The following ROBO1 variants were observed in gnomAD, a reference collection of about 807,000 sequenced individuals.
The protein encoded by ROBO1 is roundabout guidance receptor 1.
A neutral mutation model predicts 195.9 loss-of-function variants in ROBO1; 149 were observed. The observed-to-expected ratio is 0.76, with a 90% CI of 0.67 to 0.87. The LOEUF (loss-of-function observed/expected upper bound fraction) is 0.87, where lower values mean the gene tolerates loss of function less well. Among genes scored for constraint, ROBO1 ranks in the 40% least tolerant of loss-of-function variants. ROBO1 has a pLI of 0.00. For synonymous variants in ROBO1, 816 were observed against 733.2 expected, an observed-to-expected ratio of 1.11 and a Z score of -1.82; for missense variants, 1,933 against 2,068.3, an observed-to-expected ratio of 0.93 and a Z score of 1.27.
At chr3:79,580,607 G>T (rs1309808693) in intron 2 of ROBO1, among the ~76,000 whole-genome samples, 2 of 152,042 alleles carry the variant, frequency 1.3e-5, no homozygotes, top group Admixed American at 1.3e-4. Context: ...ATATTAACTA[G>T]ATGTATATAA....
chr3:78,938,980 G>T, intron 3 of ROBO1, 53 bp from the exon 4 acceptor site: 1 of 1,454,910 alleles, frequency 6.9e-7, no homozygotes, highest in Non-Finnish European at 9.4e-7. Context: ...ACAGTTAATC[G>T]CTTATTTTTA....
chr3:79,456,341 T>C (rs1300577150), intron 2 of ROBO1, among the ~76,000 whole-genome samples: 1 of 152,060 alleles, frequency 6.6e-6, no homozygotes, highest in Non-Finnish European at 1.5e-5. Flanking sequence ...CTAACTCATA[T>C]CAGTGAAAAC....
At chr3:79,674,827 CGTGTGT>C (rs151094387) in intron 1 of ROBO1, among the ~76,000 whole-genome samples, 992 of 61,918 alleles carry the variant, frequency 0.016, 10 homozygotes, top group African/African-American at 0.072. Context: ...TATTTATATC[CGTGTGT>C]GTGTGTGTGT....
intron 2 of ROBO1, among the ~76,000 whole-genome samples, chr3:79,206,433 A>G (rs2108791237): frequency 6.6e-6 from 1 of 152,278 alleles, no homozygotes; most frequent in East Asian, 1.9e-4. Context: ...AAAGAGAAAA[A>G]ATATTGTATG....
intron 1 of ROBO1, among the ~76,000 whole-genome samples, chr3:79,702,205 C>T (rs1046745886): frequency 5.3e-5 from 8 of 151,844 alleles, no homozygotes; most frequent in East Asian, 1.9e-4. Flanking sequence ...GAAGCAAAAT[C>T]TACAGCTGAA....
At chr3:79,154,580 A>G (rs530860605) in intron 2 of ROBO1, among the ~76,000 whole-genome samples, 2 of 151,920 alleles carry the variant, frequency 1.3e-5, no homozygotes, top group South Asian at 4.1e-4. Flanking sequence ...ATGAATTCTT[A>G]AAATACTGTC....
intron 1 of ROBO1, among the ~76,000 whole-genome samples, chr3:79,621,654 C>G (rs904532243): frequency 6.6e-6 from 1 of 152,132 alleles, no homozygotes; most frequent in East Asian, 1.9e-4. Flanking sequence ...AAATTTTGTG[C>G]CCTGCTAAAC....
chr3:78,673,366 G>C (rs953104138), intron 10 of ROBO1, among the ~76,000 whole-genome samples: 1 of 149,638 alleles, frequency 6.7e-6, no homozygotes, highest in Non-Finnish European at 1.5e-5. Context: ...GGTATAAGCA[G>C]TGTAACAGGT....
At chr3:79,065,650 A>G (rs2078991656) in intron 3 of ROBO1, among the ~76,000 whole-genome samples, 1 of 151,978 alleles carries the variant, frequency 6.6e-6, no homozygotes, top group Non-Finnish European at 1.5e-5. Flanking sequence ...AGCTTCAATA[A>G]GGATCATATT....
At chr3:79,209,508 G>A (rs770906347) in intron 2 of ROBO1, among the ~76,000 whole-genome samples, 30 of 151,376 alleles carry the variant, frequency 2.0e-4, no homozygotes, top group Middle Eastern at 3.4e-3. Context: ...TTTTCCTTTG[G>A]GTAGCTACCC....
At chr3:79,565,630 C>T (rs769954239) in intron 2 of ROBO1, among the ~76,000 whole-genome samples, 11 of 151,906 alleles carry the variant, frequency 7.2e-5, no homozygotes, top group Non-Finnish European at 1.2e-4. Flanking sequence ...GGAAAGAAAC[C>T]GCCAAGATTA....
intron 2 of ROBO1, among the ~76,000 whole-genome samples, chr3:79,301,926 A>G (rs1384355131): frequency 6.6e-6 from 1 of 152,218 alleles, no homozygotes; most frequent in Admixed American, 6.5e-5. Flanking sequence ...TAAAATAGAT[A>G]CATGGACTAT....
rs1002890806 is a variant in ROBO1, at chr3:79,521,670, T to C, written c.88+68154A>G. Reference sequence around the variant, plus strand: ...GAAGTTGATTTGTAGTGAATACTTATTTAGCTTCAAATAAACACTTTTAGC... The same window carrying C: ...GAAGTTGATTTGTAGTGAATACTTACTTAGCTTCAAATAAACACTTTTAGC... On this transcript the variant is annotated intron_variant, in intron 2 of 30. Coordinates refer to ENST00000464233, the MANE Select transcript of ROBO1 (RefSeq NM_002941.4). 5.3e-5 allele frequency among the ~76,000 whole-genome samples: 8 copies of C among 152,308 alleles called. No homozygotes were observed. The East Asian group carries it at 5.8e-4, about 11-fold the overall frequency.
At chr3:79,507,142 G>A (rs1940442681) in intron 2 of ROBO1, among the ~76,000 whole-genome samples, 3 of 152,156 alleles carry the variant, frequency 2.0e-5, no homozygotes, top group Admixed American at 6.5e-5. Context: ...GAGCACATTA[G>A]CCGGTTTATT....
intron 2 of ROBO1, among the ~76,000 whole-genome samples, chr3:79,270,821 C>CT (rs1281926755): frequency 6.6e-6 from 1 of 151,900 alleles, no homozygotes; most frequent in Non-Finnish European, 1.5e-5. Context: ...AAGAGAATGG[C>CT]TTTTTCGGCT....
intron 2 of ROBO1, among the ~76,000 whole-genome samples, chr3:79,515,859 T>G (rs1940921482): frequency 6.6e-6 from 1 of 152,204 alleles, no homozygotes; most frequent in African/African-American, 2.4e-5. Context: ...GTTGATGTGT[T>G]CACATATTCA....
intron 2 of ROBO1, among the ~76,000 whole-genome samples, chr3:79,340,706 G>C (rs908914255): frequency 9.2e-5 from 14 of 152,046 alleles, no homozygotes; most frequent in African/African-American, 2.9e-4. Context: ...AAAGATTTTT[G>C]TTTGTTTTGT....
chr3:79,527,142 A>G (rs1941465971), intron 2 of ROBO1, among the ~76,000 whole-genome samples: 1 of 152,186 alleles, frequency 6.6e-6, no homozygotes, highest in Non-Finnish European at 1.5e-5. Flanking sequence ...AAAGAAACCC[A>G]TTCAATAGGA....
At chr3:79,456,367 A>C (rs1281195297) in intron 2 of ROBO1, among the ~76,000 whole-genome samples, 1 of 152,152 alleles carries the variant, frequency 6.6e-6, no homozygotes, top group Non-Finnish European at 1.5e-5. Flanking sequence ...AATATTACTG[A>C]GAATCAAGAA....
Sources: allele counts gnomAD v4.1 joint callset (sites outside exome capture counted in the v4.1 genomes callset), GRCh38; gene constraint gnomAD v4.1.1; transcripts MANE v1.5; gene names NCBI Gene and HGNC (gene_info 2026-07-23, HGNC 2026-07-21).